Variants in ACSL3 observed in about 807,000 individuals in gnomAD.
The protein encoded by ACSL3 is fatty acid CoA ligase Acsl3.
ACSL3 carries 34 observed loss-of-function variants against 84.7 expected under a neutral mutation model. The ratio of observed to expected loss-of-function variants is 0.40; its 90% confidence interval spans 0.31 to 0.53. ACSL3 has a LOEUF of 0.53. Ranked by LOEUF, ACSL3 falls within the 20% of genes least tolerant of loss-of-function variation. ACSL3 has a pLI of 0.48. For missense variants in ACSL3, 680 were observed against 873.1 expected (o/e 0.78, Z 2.79); for synonymous variants, 315 against 299.4 (o/e 1.05, Z -0.54).
intron 8 of ACSL3, among the ~76,000 whole-genome samples, chr2:222,921,978 G>A (rs1337592472): frequency 6.6e-6 from 1 of 152,056 alleles, no homozygotes; most frequent in Admixed American, 6.6e-5. Flanking sequence ...ATGCTTTTAT[G>A]CACAGAAATT....
chr2:222,925,546 G>A (rs1450552806), intron 11 of ACSL3, among the ~76,000 whole-genome samples: 1 of 152,002 alleles, frequency 6.6e-6, no homozygotes, highest in Non-Finnish European at 1.5e-5. Context: ...GGGCCTGGGA[G>A]CAATGACTGC....
At chr2:222,931,943 C>G (rs891884056) in intron 14 of ACSL3, among the ~76,000 whole-genome samples, 1 of 151,998 alleles carries the variant, frequency 6.6e-6, no homozygotes, top group Non-Finnish European at 1.5e-5. Flanking sequence ...CCCAGCTACT[C>G]GGGAGGCTGA....
chr2:222,876,012 A>G (rs893712013), intron 1 of ACSL3, among the ~76,000 whole-genome samples: 3 of 152,272 alleles, frequency 2.0e-5, no homozygotes, highest in African/African-American at 7.2e-5. Flanking sequence ...AACAGTAAAC[A>G]TACAATCCAT....
rs1696373757 is a variant in ACSL3, at chr2:222,909,118, G to A, written c.346G>A (p.Glu116Lys). ...ACGTGAAGTTTTAAATGAGGAAGAT[G>A]AAGTACAACCAAATGGAAAAATTTT... ...GTREVLNEED[E>K]VQPNGKIFKK... The change falls in exon 4 of 17, where the codon GAA becomes AAA. Residue 116 changes from glutamate to lysine, a missense_variant. Glu to Lys is a moderately conservative substitution (Grantham distance 56, BLOSUM62 1). Transcript: ENST00000357430. 1.2e-6 allele frequency: 2 copies of A among 1,600,328 alleles called. No individual in the cohort carries two copies. The highest frequency in any genetic ancestry group is 3.6e-5 in the Admixed American group (2 of 55,428).
intron 1 of ACSL3, among the ~76,000 whole-genome samples, chr2:222,885,434 A>G (rs1695695803): frequency 6.6e-6 from 1 of 152,122 alleles, no homozygotes; most frequent in African/African-American, 2.4e-5. Context: ...TTTAATTTGT[A>G]TTTCCTTGAT....
At chr2:222,938,005 A>G (rs1318715588) in intron 16 of ACSL3, among the ~76,000 whole-genome samples, 1 of 152,078 alleles carries the variant, frequency 6.6e-6, no homozygotes, top group Non-Finnish European at 1.5e-5. Context: ...AAAACATCTT[A>G]AAATTATTAA....
intron 16 of ACSL3, among the ~76,000 whole-genome samples, chr2:222,936,963 G>C (rs188805661): frequency 7.2e-5 from 11 of 152,262 alleles, no homozygotes; most frequent in Admixed American, 5.2e-4. Flanking sequence ...CCGCACCCAT[G>C]ATCCAGTCAC....
At chr2:222,923,861 C>T (rs1440060) in intron 10 of ACSL3, among the ~76,000 whole-genome samples, 127,202 of 152,170 alleles carry the variant, frequency 0.84, 53,501 homozygotes, top group East Asian at 0.97. Context: ...AAATGACGTA[C>T]AATTTAAAGT....
chr2:222,867,614 T>A (rs2106080962), intron 1 of ACSL3, among the ~76,000 whole-genome samples: 1 of 152,334 alleles, frequency 6.6e-6, no homozygotes, highest in East Asian at 1.9e-4. Flanking sequence ...CAGTGTGGGT[T>A]CATGTAGATT....
At chr2:222,902,065 A>G (rs1333526749) in intron 3 of ACSL3, among the ~76,000 whole-genome samples, 1 of 151,716 alleles carries the variant, frequency 6.6e-6, no homozygotes, top group Non-Finnish European at 1.5e-5. Flanking sequence ...TGTTAAATAC[A>G]TGCGTGTAAA....
intron 4 of ACSL3, among the ~76,000 whole-genome samples, chr2:222,911,695 T>G (rs1696443804): frequency 6.6e-6 from 1 of 152,214 alleles, no homozygotes; most frequent in Non-Finnish European, 1.5e-5. Context: ...GAAAAGCTTA[T>G]GTGGTGAATA....
intron 15 of ACSL3, among the ~76,000 whole-genome samples, chr2:222,934,009 A>G (rs952252777): frequency 6.6e-5 from 10 of 152,170 alleles, no homozygotes; most frequent in Admixed American, 6.5e-4. Flanking sequence ...TGATGTTACT[A>G]TTTTATGGCC....
chr2:222,924,431 G>A (rs1275616669), intron 10 of ACSL3, 25 bp from the exon 11 acceptor site: 1 of 1,567,356 alleles, frequency 6.4e-7, no homozygotes, highest in Non-Finnish European at 8.6e-7. Flanking sequence ...TATTAACTAT[G>A]TTAAACTCAT....
chr2:222,922,564 C>CTCTCT (rs896703582), intron 8 of ACSL3, 144 bp from the exon 9 acceptor site: 1 of 969,956 alleles, frequency 1.0e-6, no homozygotes, highest in African/African-American at 1.6e-5. Context: ...GTCTCTCTCT[C>CTCTCT]TCTCTCACAA....
At chr2:222,880,248 A>G (rs1052984405) in intron 1 of ACSL3, among the ~76,000 whole-genome samples, 1 of 152,218 alleles carries the variant, frequency 6.6e-6, no homozygotes, top group African/African-American at 2.4e-5. Context: ...ATAAGCATAC[A>G]AAACAAACAC....
intron 2 of ACSL3, among the ~76,000 whole-genome samples, chr2:222,899,339 G>GTGC (rs1331060690): frequency 1.3e-5 from 2 of 152,090 alleles, no homozygotes; most frequent in African/African-American, 4.8e-5. Context: ...GCTGGGCGTG[G>GTGC]TGGCAGGCGA....
chr2:222,923,772 G>C (rs529659143), intron 10 of ACSL3, among the ~76,000 whole-genome samples: 2 of 129,070 alleles, frequency 1.5e-5, no homozygotes, highest in African/African-American at 6.2e-5. Context: ...TTACTTCAAA[G>C]TCAAATATAA....
chr2:222,888,215 G>A (rs1209814349), intron 2 of ACSL3, among the ~76,000 whole-genome samples: 1 of 152,164 alleles, frequency 6.6e-6, no homozygotes, highest in East Asian at 1.9e-4. Flanking sequence ...TTTAAAATTT[G>A]TATGAATGTT....
chr2:222,911,113 C>T (rs574153429), intron 4 of ACSL3, among the ~76,000 whole-genome samples: 24 of 151,306 alleles, frequency 1.6e-4, no homozygotes, highest in Middle Eastern at 3.4e-3. Context: ...GCAATGGTGC[C>T]GTCTCAGCTC....
Sources: gnomAD v4.1 joint callset for allele counts (sites outside exome capture counted in the v4.1 genomes callset) on GRCh38, gnomAD v4.1.1 for gene constraint, MANE v1.5 for transcripts, NCBI Gene and HGNC (gene_info 2026-07-23, HGNC 2026-07-21) for gene names.